Variants in PIGN observed in about 807,000 individuals in gnomAD.
PIGN encodes the protein phosphatidylinositol glycan anchor biosynthesis class N.
PIGN carries 117 observed loss-of-function variants against 125.4 expected under a neutral mutation model. The ratio of observed to expected loss-of-function variants is 0.93; its 90% CI spans 0.80 to 1.09. The LOEUF is 1.09. Ranked by LOEUF, PIGN falls within the 50% of genes least tolerant of loss-of-function variation. The pLI is 0.00. For missense variants in PIGN, 1,075 were observed against 1,094.9 expected (o/e 0.98, Z 0.26); for synonymous variants, 392 against 377.8 (o/e 1.04, Z -0.44).
At chr18:62,079,556 C>T (rs1264165281) in intron 28 of PIGN, among the ~76,000 whole-genome samples, 3 of 152,060 alleles carry the variant, frequency 2.0e-5, no homozygotes, top group Non-Finnish European at 2.9e-5. Context: ...AAAAATTAGA[C>T]CTGGTAGAAA....
At chr18:62,057,962 C>T (rs2031845753) in intron 30 of PIGN, among the ~76,000 whole-genome samples, 1 of 152,224 alleles carries the variant, frequency 6.6e-6, no homozygotes, top group Non-Finnish European at 1.5e-5. Flanking sequence ...CACTATCAGT[C>T]CTCACTGGAG....
Position 62,147,051 on chromosome 18 carries a change from A to G in PIGN, c.725T>C (p.Val242Ala), listed in dbSNP as rs2147288732. The change falls in exon 9 of 31, where the codon GTG becomes GCG. Residue 242 changes from valine to alanine, a missense_variant. By Grantham distance (64) the Val-to-Ala change is moderately conservative (BLOSUM62 0). Transcript: ENST00000640252. ...KKVDDGVKEI[V>A]SMFNHFYGND... ...TCCATAGAAGTGGTTAAACATAGAC[A>G]CGATTTCTTTAACTCCATCATCAAC... 1 of 1,609,584 alleles carries G rather than the reference A, an allele frequency of 6.2e-7. No homozygotes were observed. The highest frequency in any genetic ancestry group is 8.5e-7 in the Non-Finnish European group (1 of 1,176,526).
At chr18:62,049,319 A>G (rs2031042213) in intron 30 of PIGN, among the ~76,000 whole-genome samples, 1 of 151,112 alleles carries the variant, frequency 6.6e-6, no homozygotes, top group African/African-American at 2.4e-5. Context: ...AGTCCCACCA[A>G]CAGTGTAAAA....
At chr18:62,062,899 T>TC (rs1266420000) in intron 30 of PIGN, among the ~76,000 whole-genome samples, 13 of 128,978 alleles carry the variant, frequency 1.0e-4, no homozygotes, top group South Asian at 2.6e-4. Context: ...TTTTTTTTTT[T>TC]TTTTTTTTTT....
rs138295337 is a variant in PIGN, at chr18:62,071,397, C to T, written c.2672+1276G>A. Reference sequence around the variant, plus strand: ...TCCTCCCCACAGCATTCCATGTAAACATTTGCTAATGTGCTAATGCCAAGA... The same window carrying T: ...TCCTCCCCACAGCATTCCATGTAAATATTTGCTAATGTGCTAATGCCAAGA... On this transcript the variant is annotated intron_variant, in intron 30 of 30. Transcript: ENST00000640252. 1.7e-3 allele frequency among the ~76,000 whole-genome samples: 252 copies of T among 152,286 alleles called. 1 individual carries two copies. Among genetic ancestry groups the T allele is most frequent in the African/African-American group, 5.6e-3 (232 of 41,556 alleles).
chr18:62,083,450 C>T (rs1037876159), intron 27 of PIGN, among the ~76,000 whole-genome samples: 1 of 152,026 alleles, frequency 6.6e-6, no homozygotes, highest in African/African-American at 2.4e-5. Flanking sequence ...TTCAAGGCAG[C>T]ATACAGTTCT....
At chr18:62,084,146 T>C (rs192723791) in intron 27 of PIGN, among the ~76,000 whole-genome samples, 4 of 152,334 alleles carry the variant, frequency 2.6e-5, no homozygotes, top group Admixed American at 6.5e-5. Context: ...ATTTGTTGAA[T>C]GAATTGATCA....
intron 10 of PIGN, among the ~76,000 whole-genome samples, chr18:62,145,040 C>T (rs981182983): frequency 1.4e-4 from 21 of 151,810 alleles, no homozygotes; most frequent in Admixed American, 1.1e-3. Context: ...AGAAAGGAGC[C>T]CAGTCCTACC....
chr18:62,071,863 C>CATATATAT lies in PIGN; in HGVS notation c.2672+802_2672+809dup, dbSNP rs61508545. On this transcript the variant is annotated intron_variant, in intron 30 of 30. Coordinates refer to ENST00000640252, the MANE Select transcript of PIGN (RefSeq NM_176787.5). ...CGTTTTTTAGACTGTACTCCTTTTC[C>CATATATAT]ATATATATATATATATATATATATA... is the stretch of plus-strand genomic sequence containing the variant. Among the ~76,000 whole-genome samples the CATATATAT allele has an allele frequency of 2.0e-3, 154 of 77,592 alleles. 1 individual carries two copies. The highest frequency in any genetic ancestry group is 4.1e-3 in the East Asian group (10 of 2,430). 50.9% of individuals were successfully genotyped at this position (77,592 alleles called of 152,430 possible). A position where few individuals can be genotyped will look rare whatever the true frequency, so the allele number is the denominator to read the frequency against.
At chr18:62,163,302 C>T (rs1017996017) in intron 2 of PIGN, among the ~76,000 whole-genome samples, 2 of 152,108 alleles carry the variant, frequency 1.3e-5, no homozygotes, top group Non-Finnish European at 2.9e-5. Context: ...TAATAATAAA[C>T]CTGACCCAGT....
At chr18:62,122,715 C>G (rs1232530032) in intron 14 of PIGN, among the ~76,000 whole-genome samples, 1 of 152,146 alleles carries the variant, frequency 6.6e-6, no homozygotes, top group Admixed American at 6.6e-5. Flanking sequence ...AATTGATTTA[C>G]TTGGTACAAG....
At chr18:62,067,892 C>A (rs186445031) in intron 30 of PIGN, among the ~76,000 whole-genome samples, 3 of 152,112 alleles carry the variant, frequency 2.0e-5, no homozygotes, top group Admixed American at 6.5e-5. Flanking sequence ...AAGAAAGTTT[C>A]TTTTCCCTCT....
chr18:62,099,255 C>T (rs936258491), intron 22 of PIGN, among the ~76,000 whole-genome samples: 2 of 152,072 alleles, frequency 1.3e-5, no homozygotes, highest in African/African-American at 2.4e-5. Flanking sequence ...ATGGAAACAG[C>T]ACGAAATCTA....
At chr18:62,030,677 G>A (rs1016996043) in intron 23 of PIGN, among the ~76,000 whole-genome samples, 1 of 152,148 alleles carries the variant, frequency 6.6e-6, no homozygotes, top group East Asian at 1.9e-4. Context: ...CACATTTCAT[G>A]TTGAACTCTG....
chr18:62,061,795 T>C (rs1471220459), intron 30 of PIGN, among the ~76,000 whole-genome samples: 1 of 152,062 alleles, frequency 6.6e-6, no homozygotes, highest in Non-Finnish European at 1.5e-5. Context: ...CAAGAATAAT[T>C]GGAAACTCAA....
At chr18:62,027,412 G>A (rs112757774) in intron 23 of PIGN, among the ~76,000 whole-genome samples, 314 of 152,298 alleles carry the variant, frequency 2.1e-3, no homozygotes, top group African/African-American at 6.2e-3. Context: ...TCAAAACACA[G>A]TTTGGTTTTA....
At chr18:62,161,914 A>G (rs2036966875) in intron 3 of PIGN, among the ~76,000 whole-genome samples, 1 of 151,802 alleles carries the variant, frequency 6.6e-6, no homozygotes, top group African/African-American at 2.4e-5. Flanking sequence ...TTACTTTGGT[A>G]TTCTGGCTCT....
intron 14 of PIGN, among the ~76,000 whole-genome samples, chr18:62,116,751 A>G (rs1486680638): frequency 2.0e-5 from 3 of 152,230 alleles, no homozygotes; most frequent in Non-Finnish European, 4.4e-5. Context: ...GAATCAATAA[A>G]TTTTGAATAC....
chr18:62,034,100 G>T (rs2030228601), intron 23 of PIGN, among the ~76,000 whole-genome samples: 2 of 152,194 alleles, frequency 1.3e-5, no homozygotes, highest in East Asian at 3.9e-4. Context: ...ATATGCCTTT[G>T]TGTTTCCCTT....
Sources: gnomAD v4.1 joint callset for allele counts (sites outside exome capture counted in the v4.1 genomes callset) on GRCh38, gnomAD v4.1.1 for gene constraint, MANE v1.5 for transcripts, NCBI Gene and HGNC (gene_info 2026-07-23, HGNC 2026-07-21) for gene names.